Variants in COMMD5 observed in about 807,000 individuals in gnomAD.
COMMD5 encodes COMM domain containing 5, also known as COMM domain-containing protein 5.
Under a neutral mutation model 6.9 loss-of-function variants are expected in COMMD5, and 10 were observed. That is an observed-to-expected ratio of 1.44 (90% CI 0.89 to 2.45). The LOEUF (loss-of-function observed/expected upper bound fraction) is 2.45, where lower values mean the gene tolerates loss of function less well. COMMD5 is among the 30% of genes most tolerant of loss of function. The probability of loss-of-function intolerance (pLI) is 0.00; values close to 1 mark genes in which losing one functional copy is unlikely to be tolerated. For synonymous variants in COMMD5, 127 were observed against 125.3 expected, an observed-to-expected ratio of 1.01 and a Z score of -0.09; for missense variants, 234 against 287.8, an observed-to-expected ratio of 0.81 and a Z score of 1.35.
chr8:144,842,881 C>T (rs201092530), intron 1 of COMMD5: 25 of 1,614,080 alleles, frequency 1.5e-5, no homozygotes, highest in South Asian at 2.2e-5. Flanking sequence ...AGCCTTCAGC[C>T]GGAGCTCATA....
intron 1 of COMMD5, chr8:144,852,307 C>T (rs1303745189): frequency 1.3e-5 from 2 of 152,514 alleles, no homozygotes; most frequent in Non-Finnish European, 2.9e-5. Context: ...CAGCCCCAAC[C>T]CCCGGGCTGG....
chr8:144,842,893 C>G, intron 1 of COMMD5: 1 of 1,614,196 alleles, frequency 6.2e-7, no homozygotes, highest in Non-Finnish European at 8.5e-7. Context: ...GAGCTCATAT[C>G]TTATTGAACA....
chr8:144,838,002 T>G (rs144376530), downstream of COMMD5: 48 of 692,944 alleles, frequency 6.9e-5, no homozygotes, highest in Non-Finnish European at 1.1e-4. Context: ...ATTTATTGTC[T>G]CACAGCTGTG....
At chr8:144,838,125 T>G (rs1166034516), downstream of COMMD5, 1 of 702,876 alleles carries the variant, frequency 1.4e-6, no homozygotes, top group African/African-American at 1.7e-5. Context: ...TTTCTGGCAG[T>G]CCTTGGGTTC....
chr8:144,838,962 A>T (rs1829464827), downstream of COMMD5: 6 of 145,952 alleles, frequency 4.1e-5, no homozygotes, highest in African/African-American at 7.5e-5. Context: ...AAAAAAAAAA[A>T]GCAGGGGCTG....
chr8:144,851,930 G>A (rs1402869845), intron 1 of COMMD5, among the ~76,000 whole-genome samples: 2 of 152,122 alleles, frequency 1.3e-5, no homozygotes, highest in Admixed American at 6.5e-5. Context: ...TTGAGCCCAG[G>A]AGTTGGAGAC....
downstream of COMMD5, chr8:144,838,483 G>A (rs1829357153): frequency 1.1e-5 from 3 of 263,162 alleles, no homozygotes; most frequent in South Asian, 2.4e-4. Context: ...CAAGGGAGAT[G>A]GGTCTGCGTG....
At chr8:144,843,347 T>G (rs191250917) in intron 1 of COMMD5, 13,603 of 723,616 alleles carry the variant, frequency 0.019, 173 homozygotes, top group Non-Finnish European at 0.024. Context: ...CCCAGCACTT[T>G]GGGAGGCCAA....
At chr8:144,852,667 G>C (rs1830800351) in intron 1 of COMMD5, 172 bp downstream of exon 1, 1 of 152,286 alleles carries the variant, frequency 6.6e-6, no homozygotes, top group Non-Finnish European at 1.5e-5. Flanking sequence ...GAAGGCCTCC[G>C]AGCTGCCCGC....
chr8:144,844,496 G>A (rs1041619609), intron 1 of COMMD5, among the ~76,000 whole-genome samples: 86 of 151,812 alleles, frequency 5.7e-4, no homozygotes, highest in African/African-American at 1.9e-3. Context: ...GGATCATGAG[G>A]TCAGGAGATG....
intron 1 of COMMD5, chr8:144,842,230 T>G: frequency 6.2e-7 from 1 of 1,614,090 alleles, no homozygotes; most frequent in Non-Finnish European, 8.5e-7. Context: ...CAGCCAGAGC[T>G]CCACCCTAGC....
intron 1 of COMMD5, chr8:144,843,012 G>A (rs1351492899): frequency 1.1e-5 from 18 of 1,614,172 alleles, no homozygotes; most frequent in Non-Finnish European, 1.4e-5. Flanking sequence ...AACTGCATCA[G>A]TGTGAAGACT....
Position 144,850,783 on chromosome 8 carries a change from A to C in COMMD5, c.556T>G (p.Ser186Ala). The C allele has an allele frequency of 1.2e-6, 2 of 1,614,114 alleles. No homozygotes were observed. The highest frequency in any genetic ancestry group is 1.7e-6 in the Non-Finnish European group (2 of 1,180,046). ...GTGGGGACCTCAAAGCGGTATGCTG[A>C]CCCATCTGAAAGCTTCAGCTGCATC... ...VLMQLKLSDG[S>A]AYRFEVPTAK... The change falls in exon 2 of 2, where the codon TCA becomes GCA. Residue 186 changes from serine to alanine, a missense_variant. Coordinates refer to ENST00000305103, the MANE Select transcript of COMMD5 (RefSeq NM_014066.4). The surrounding 1 kb of genome is among the most constrained non-coding windows in gnomAD (Gnocchi z 4.0).
rs752879403 is a variant in COMMD5, at chr8:144,842,525, A to T, written c.*117-782T>A. On this transcript the variant is annotated intron_variant and NMD_transcript_variant, in intron 1 of 1. Transcript: ENST00000530332. ...GGAGAAAAACCATTTAAATGTGATG[A>T]GTGTGGCAAAGGCTTTGTTCAGGGC... 217 of 1,614,176 alleles carry T rather than the reference A, an allele frequency of 1.3e-4. No individual in the cohort carries two copies. Among genetic ancestry groups the T allele is most frequent in the Non-Finnish European group, 1.8e-4 (213 of 1,180,024 alleles).
At chr8:144,838,987 T>C (rs1829475534), downstream of COMMD5, 1 of 149,874 alleles carries the variant, frequency 6.7e-6, no homozygotes, top group Admixed American at 6.6e-5. Flanking sequence ...CTTACTTCCA[T>C]TCATATGCGC....
At position 144,851,006 on chromosome 8, in the gene COMMD5, G is replaced by C. The variant is rs755046009; in HGVS notation, c.333C>G (p.Asp111Glu). 15 of 1,612,400 alleles carry C rather than the reference G, an allele frequency of 9.3e-6. No individual in the cohort carries two copies. In the South Asian group the frequency reaches 1.6e-4, roughly 18 times the overall value. ...GGGGGATGCAGAGCTCCTGGAGCTG[G>C]TCCCTGAAGGTGTCAGGCTTCAGGC... Reference protein sequence around the residue: ...PTSLKPDTFRDQLQELCIPQD... With the variant: ...PTSLKPDTFREQLQELCIPQD... The change falls in exon 2 of 2, where the codon GAC (aspartate) becomes GAG (glutamate). Residue 111 changes from aspartate to glutamate, a missense_variant. By Grantham distance (45) the Asp-to-Glu change is conservative. Coordinates refer to ENST00000305103, the MANE Select transcript of COMMD5 (RefSeq NM_014066.4).
At chr8:144,842,012 G>A in intron 1 of COMMD5, 1 of 1,614,210 alleles carries the variant, frequency 6.2e-7, no homozygotes, top group Non-Finnish European at 8.5e-7. Flanking sequence ...ATCCACACTG[G>A]GGAGAAGCCC....
At chr8:144,847,220 AG>A (rs962173558), downstream of COMMD5, 2 of 152,228 alleles carry the variant, frequency 1.3e-5, no homozygotes, top group African/African-American at 4.8e-5. Flanking sequence ...GGGGTAGTGC[AG>A]GTGCTAGAAT....
upstream of COMMD5, chr8:144,853,474 C>T (rs754422651): frequency 7.2e-5 from 11 of 152,202 alleles, no homozygotes; most frequent in Non-Finnish European, 1.6e-4. Flanking sequence ...GCGGGCGTCC[C>T]TGTCCCGTGT....
Sources: allele counts gnomAD v4.1 joint callset (sites outside exome capture counted in the v4.1 genomes callset), GRCh38; gene constraint gnomAD v4.1.1; non-coding constraint Gnocchi (gnomAD v3.1); transcripts MANE v1.5; gene names NCBI Gene and HGNC (gene_info 2026-07-23, HGNC 2026-07-21).